Variants in SFMBT2 observed in about 807,000 individuals in gnomAD.
SFMBT2 encodes the protein scm-like with four MBT domains protein 2.
In SFMBT2, 38 loss-of-function variants were observed where a neutral mutation model predicts 110.1. The ratio of observed to expected loss-of-function variants is 0.35; its 90% CI spans 0.27 to 0.45. SFMBT2 has a LOEUF of 0.45. Among genes scored for constraint, SFMBT2 ranks in the 20% least tolerant of loss-of-function variants. The pLI is 1.00. For synonymous variants in SFMBT2, 425 were observed against 425.4 expected (o/e 1.00, Z 0.01); for missense variants, 1,011 against 1,094.9 (o/e 0.92, Z 1.08).
intron 4 of SFMBT2, among the ~76,000 whole-genome samples, chr10:7,300,971 A>G (rs1349118422): frequency 6.6e-6 from 1 of 152,212 alleles, no homozygotes; most frequent in Non-Finnish European, 1.5e-5. Flanking sequence ...ACAAAAGTCC[A>G]GATATTGGAG....
chr10:7,235,322 T>C (rs1195376987), intron 9 of SFMBT2, among the ~76,000 whole-genome samples: 2 of 152,106 alleles, frequency 1.3e-5, no homozygotes, highest in African/African-American at 2.4e-5. Flanking sequence ...AACTGCCACA[T>C]AAATAACAAC....
intron 9 of SFMBT2, among the ~76,000 whole-genome samples, chr10:7,236,667 G>C (rs1310727040): frequency 7.2e-6 from 1 of 138,932 alleles, no homozygotes; most frequent in African/African-American, 2.7e-5. Context: ...GTAGGTTACA[G>C]AGCTAAACAT....
rs1381233084 is a variant in SFMBT2 at position 7,276,959 on chromosome 10, C to T, written c.803G>A (p.Trp268Ter). 1 of 872,802 alleles carries T rather than the reference C, an allele frequency of 1.1e-6. No homozygotes were observed. The highest frequency in any genetic ancestry group is 2.0e-6 in the Non-Finnish European group (1 of 501,586). The allele number at this position is 872,802 out of a possible 1,614,324, so 54.1% of individuals were successfully genotyped here. A position where few individuals can be genotyped will look rare whatever the true frequency, so the allele number is the denominator to read the frequency against. The change falls in exon 7 of 21, where the codon TGG becomes TAG. Residue 268 changes from tryptophan (W) to a stop codon, truncating the protein, a stop_gained. Transcript: ENST00000397167. LOFTEE classifies it high-confidence loss of function. ...AAGGGATTTTTCCAGAGTACATTTC[C>T]ATTCAGAGGCCATCTTCAAAGGATA... Reference protein sequence around the residue: ...EIYPLKMASEWKCTLEKSLID... With the variant: ...EIYPLKMASE
At chr10:7,276,691 C>A (rs544782032) in intron 7 of SFMBT2, among the ~76,000 whole-genome samples, 1 of 152,144 alleles carries the variant, frequency 6.6e-6, no homozygotes, top group African/African-American at 2.4e-5. Context: ...ACACGCCTGG[C>A]TAATTTTTGT....
chr10:7,203,770 C>T, intron 12 of SFMBT2: 1 of 542,516 alleles, frequency 1.8e-6, no homozygotes, highest in Non-Finnish European at 2.4e-6. Flanking sequence ...GGCTGGAGTG[C>T]AGTGGCATGA....
At chr10:7,318,894 T>C (rs1001210911) in intron 4 of SFMBT2, among the ~76,000 whole-genome samples, 2 of 152,192 alleles carry the variant, frequency 1.3e-5, no homozygotes, top group African/African-American at 4.8e-5. Context: ...TTAAAGGAAT[T>C]GAGAGTAAAC....
intron 7 of SFMBT2, among the ~76,000 whole-genome samples, chr10:7,263,708 G>A (rs1025509322): frequency 3.9e-4 from 60 of 152,202 alleles, no homozygotes; most frequent in African/African-American, 1.4e-3. Flanking sequence ...CCCACCTGAA[G>A]GCCAAACTCA....
At chr10:7,206,637 C>T in intron 11 of SFMBT2, 1 of 937,302 alleles carries the variant, frequency 1.1e-6, no homozygotes, top group Non-Finnish European at 1.3e-6. Context: ...ACTGTCACAT[C>T]CTATTTCGTA....
chr10:7,197,642 T>C lies in SFMBT2; in HGVS notation c.1604A>G (p.His535Arg). Residue 535 changes from histidine (H) to arginine (R), a missense_variant, in exon 15 of 21, where the codon CAC (histidine) becomes CGC (arginine). Physicochemically the swap from His to Arg is conservative, Grantham distance 29. This residue lies in a region of SFMBT2 where 979 missense variants were observed against 1,016.1 expected (regional missense o/e 0.96). Coordinates refer to ENST00000397167, the MANE Select transcript of SFMBT2 (RefSeq NM_001387889.1). ...CAGGTAAGGGCCTGAGAAACACCTG[T>C]GGTTGATGAAGAGCTGAGGACAGCA... ...KYCCPQLFIN[H>R]RCFSGPYLNK... is the part of the protein sequence containing the mutation. 1 of 1,614,174 alleles carries C rather than the reference T, an allele frequency of 6.2e-7. No homozygotes were observed. The highest frequency in any genetic ancestry group is 8.5e-7 in the Non-Finnish European group (1 of 1,180,028).
rs530066347 is a variant in SFMBT2 at position 7,194,451 on chromosome 10, C to T, written c.1698+3097G>A. 1.1e-4 allele frequency among the ~76,000 whole-genome samples: 17 copies of T among 152,288 alleles called. No homozygotes were observed. In the South Asian group the frequency reaches 1.9e-3, roughly 17 times the overall value. ...AAAGACCATGTCTGCATCCACACCC[C>T]GAGACGTCTATTTCTGGCAGAACAG... is the stretch of plus-strand genomic sequence containing the variant. On this transcript the variant is annotated intron_variant, in intron 15 of 20. Transcript: ENST00000397167.
chr10:7,402,549 A>T (rs1846108747), intron 1 of SFMBT2, among the ~76,000 whole-genome samples: 1 of 151,876 alleles, frequency 6.6e-6, no homozygotes, highest in African/African-American at 2.4e-5. Context: ...TAAAAATAAT[A>T]CCAACTGTGA....
In SFMBT2 at chr10:7,248,465, T is replaced by C. The variant is rs1781923958; in HGVS notation, c.972+83A>G. 3.5e-6 allele frequency: 4 copies of C among 1,156,470 alleles called. No individual in the cohort carries two copies. In the Admixed American group the frequency reaches 5.5e-5, roughly 16 times the overall value. The allele number at this position is 1,156,470 out of a possible 1,614,324, so 71.6% of individuals were successfully genotyped here. Reference sequence around the variant, plus strand: ...TTGCTGATAGCCTTGCACGAACATATGTCATCTGGTCGTCTTTGAGTTGAA... The same window carrying C: ...TTGCTGATAGCCTTGCACGAACATACGTCATCTGGTCGTCTTTGAGTTGAA... On this transcript the variant is annotated intron_variant, in intron 8 of 20. Transcript: ENST00000397167.
chr10:7,298,778 T>C (rs1238609663), intron 4 of SFMBT2, among the ~76,000 whole-genome samples: 1 of 152,200 alleles, frequency 6.6e-6, no homozygotes, highest in Non-Finnish European at 1.5e-5. Context: ...TTCGTGTGTG[T>C]GTGTGTATAT....
At chr10:7,204,952 A>G in intron 12 of SFMBT2, 1 of 984,842 alleles carries the variant, frequency 1.0e-6, no homozygotes, top group Non-Finnish European at 1.2e-6. Context: ...ATGGGCGTTT[A>G]CTGCTGGGTT....
At chr10:7,344,958 C>CAAA (rs35145669) in intron 4 of SFMBT2, among the ~76,000 whole-genome samples, 2,746 of 52,856 alleles carry the variant, frequency 0.052, 164 homozygotes, top group Non-Finnish European at 0.082. Flanking sequence ...GACTCTGTCT[C>CAAA]AAAAAAAAAA....
intron 13 of SFMBT2, chr10:7,200,938 A>G: frequency 1.3e-6 from 1 of 743,110 alleles, no homozygotes; most frequent in Non-Finnish European, 1.6e-6. Context: ...TGGCCACACT[A>G]AAAATAAGGC....
chr10:7,255,448 T>C (rs1191685003), intron 7 of SFMBT2, among the ~76,000 whole-genome samples: 1 of 152,234 alleles, frequency 6.6e-6, no homozygotes, highest in Non-Finnish European at 1.5e-5. Flanking sequence ...TACTGGAGTC[T>C]GGTCAAATTG....
intron 6 of SFMBT2, among the ~76,000 whole-genome samples, chr10:7,281,511 G>A (rs1458058188): frequency 2.0e-5 from 3 of 152,194 alleles, no homozygotes; most frequent in Non-Finnish European, 2.9e-5. Flanking sequence ...TTTTATTCTC[G>A]CCTAGATTCC....
At position 7,325,300 on chromosome 10, in the gene SFMBT2, C is replaced by T. The variant is rs554858355; in HGVS notation, c.437-39346G>A. Among the ~76,000 whole-genome samples the T allele has an allele frequency of 3.1e-3, 465 of 152,158 alleles. 4 individuals carry two copies. The highest frequency in any genetic ancestry group is 5.0e-3 in the Admixed American group (77 of 15,288). On this transcript the variant is annotated intron_variant, in intron 4 of 20. Transcript: ENST00000397167. Reference sequence around the variant, plus strand: ...CCCACTTTCAAACACAGCCACACTGCGGGGGCTTCAACATAGGAATTTGGG... The same window carrying T: ...CCCACTTTCAAACACAGCCACACTGTGGGGGCTTCAACATAGGAATTTGGG...
Sources: gnomAD v4.1 joint callset for allele counts (sites outside exome capture counted in the v4.1 genomes callset) on GRCh38, gnomAD v4.1.1 for gene constraint, gnomAD v4.1.1 regional missense constraint, MANE v1.5 for transcripts, NCBI Gene and HGNC (gene_info 2026-07-23, HGNC 2026-07-21) for gene names.